The following HIBCH variants were observed in gnomAD, a reference collection of about 807,000 sequenced individuals.
HIBCH encodes 3-hydroxyisobutyryl-CoA hydrolase, also known as 3-hydroxyisobutyryl-CoA hydrolase, mitochondrial.
A neutral mutation model predicts 58.2 loss-of-function variants in HIBCH; 50 were observed. That is an observed-to-expected ratio of 0.86 (90% CI 0.68 to 1.09). HIBCH has a LOEUF of 1.09. HIBCH is among the 50% of genes least tolerant of loss of function. The pLI is 0.00. For synonymous variants in HIBCH, 151 were observed against 146.9 expected (o/e 1.03, Z -0.20); for missense variants, 450 against 449.7 (o/e 1.00, Z -0.01).
At chr2:190,238,794 A>G in intron 11 of HIBCH, among the ~76,000 whole-genome samples, 1 of 152,168 alleles carries the variant, frequency 6.6e-6, no homozygotes, top group Non-Finnish European at 1.5e-5. Flanking sequence ...GTGTCTGTTC[A>G]CATCCTTCAC....
At chr2:190,226,687 T>C (rs1325308445) in intron 11 of HIBCH, among the ~76,000 whole-genome samples, 3 of 148,898 alleles carry the variant, frequency 2.0e-5, no homozygotes, top group Non-Finnish European at 4.5e-5. Flanking sequence ...CCCCATCATC[T>C]CAGCCCCAAA....
At position 190,206,977 on chromosome 2, in the gene HIBCH, T is replaced by C. The variant is rs1690405750; in HGVS notation, c.1046-1745A>G. ...CGTCTCTACTAAAAATACAAAAAAA[T>C]TAGGCGTGGTGGCAGGCGCTTTTAG... On this transcript the variant is annotated intron_variant, in intron 13 of 13. Coordinates refer to ENST00000359678, the MANE Select transcript of HIBCH (RefSeq NM_014362.4). The surrounding 1 kb of genome is among the most constrained non-coding windows in gnomAD (Gnocchi z 5.1). Among the ~76,000 whole-genome samples the C allele has an allele frequency of 6.6e-6, 1 of 151,798 alleles. No individual in the cohort carries two copies. Among genetic ancestry groups the C allele is most frequent in the African/African-American group, 2.4e-5 (1 of 41,260 alleles).
At position 190,209,315 on chromosome 2, in the gene HIBCH, C is replaced by G. The variant is rs747945674; in HGVS notation, c.1012-402G>C. ...TCCTGGCACCAACTAAACCCTATCA[C>G]GTACCCCTGCCTGCACTTCAGCAGC... On this transcript the variant is annotated intron_variant, in intron 12 of 13. Coordinates refer to ENST00000359678, the MANE Select transcript of HIBCH (RefSeq NM_014362.4). This position sits in a 1 kb window ranked among gnomAD's most constrained non-coding sequence, Gnocchi z 5.6. Among the ~76,000 whole-genome samples the G allele has an allele frequency of 1.3e-5, 2 of 152,130 alleles. No homozygotes were observed. Among genetic ancestry groups the G allele is most frequent in the East Asian group, 1.9e-4 (1 of 5,200 alleles).
chr2:190,276,569 A>G (rs1687559131), intron 6 of HIBCH, among the ~76,000 whole-genome samples: 1 of 152,144 alleles, frequency 6.6e-6, no homozygotes, highest in African/African-American at 2.4e-5. Context: ...GTTCATACAA[A>G]AGCTGGCTGT....
chr2:190,193,893 A>T (rs950615869), intron 1 of HIBCH, among the ~76,000 whole-genome samples: 4 of 151,896 alleles, frequency 2.6e-5, no homozygotes, highest in Non-Finnish European at 5.9e-5. Flanking sequence ...ACTGATTTAA[A>T]CTTTTCTTCT....
At chr2:190,265,967 T>C (rs1308681015) in intron 6 of HIBCH, among the ~76,000 whole-genome samples, 1 of 152,186 alleles carries the variant, frequency 6.6e-6, no homozygotes, top group East Asian at 1.9e-4. Context: ...AGCTTTGATA[T>C]TTACTGTTTA....
chr2:190,299,600 C>CT (rs555011380), intron 2 of HIBCH, among the ~76,000 whole-genome samples: 1 of 151,998 alleles, frequency 6.6e-6, no homozygotes, highest in Non-Finnish European at 1.5e-5. Flanking sequence ...CAGTCTGACA[C>CT]TTTTTTTTCA....
Position 190,261,201 on chromosome 2 carries a change from C to T in HIBCH, c.472G>A (p.Val158Met), listed in dbSNP as rs770655344. 6.8e-6 allele frequency: 11 copies of T among 1,613,482 alleles called. No homozygotes were observed. The highest frequency in any genetic ancestry group is 1.7e-4 in the Middle Eastern group (1 of 6,054). The change falls in exon 7 of 14, where the codon GTG (valine) becomes ATG (methionine). Residue 158 changes from valine to methionine, a missense_variant. Physicochemically the swap from Val to Met is conservative, Grantham distance 21. Coordinates refer to ENST00000359678, the MANE Select transcript of HIBCH (RefSeq NM_014362.4). Reference protein sequence around the residue: ...VGLSVHGQFRVATEKCLFAMP... With the variant: ...VGLSVHGQFRMATEKCLFAMP... ...GCAAAAAGACACTTTTCTGTAGCCA[C>T]TCGAAATTGCCCATGGACTGAGAGA...
chr2:190,283,753 A>G (rs1002638008), intron 6 of HIBCH, among the ~76,000 whole-genome samples: 84 of 152,318 alleles, frequency 5.5e-4, no homozygotes, highest in Admixed American at 2.3e-3. Context: ...AATATTTTTA[A>G]GGGAGCTGAT....
At chr2:190,273,120 C>G (rs997389631) in intron 6 of HIBCH, among the ~76,000 whole-genome samples, 1 of 152,202 alleles carries the variant, frequency 6.6e-6, no homozygotes, top group Non-Finnish European at 1.5e-5. Context: ...CGGCCAGGCG[C>G]AGTGGCTCAT....
At chr2:190,203,913 A>C (rs758107078), downstream of HIBCH, 10 of 152,130 alleles carry the variant, frequency 6.6e-5, no homozygotes, top group Non-Finnish European at 1.5e-4. Context: ...ATGAAGGAGA[A>C]ACTATAACAA....
chr2:190,313,020 A>C (rs763630509), intron 1 of HIBCH, among the ~76,000 whole-genome samples: 10 of 152,230 alleles, frequency 6.6e-5, no homozygotes, highest in Non-Finnish European at 1.3e-4. Flanking sequence ...AATAGCTTAA[A>C]CCTGGGAGGC....
chr2:190,302,574 T>C (rs1350408728), intron 2 of HIBCH, among the ~76,000 whole-genome samples: 3 of 152,220 alleles, frequency 2.0e-5, no homozygotes, highest in South Asian at 2.1e-4. Context: ...AGTCAGGTAG[T>C]TGCTTGAAAT....
intron 7 of HIBCH, among the ~76,000 whole-genome samples, chr2:190,256,473 C>CAATAATAATAAA (rs1559037325): frequency 1.1e-4 from 17 of 149,846 alleles, no homozygotes; most frequent in African/African-American, 4.0e-4. Flanking sequence ...AATAATAAAT[C>CAATAATAATAAA]TTACAACACT....
chr2:190,268,078 A>G (rs1183714059), intron 6 of HIBCH, among the ~76,000 whole-genome samples: 1 of 152,240 alleles, frequency 6.6e-6, no homozygotes, highest in East Asian at 1.9e-4. Flanking sequence ...GACATATGAG[A>G]AAAGACCACA....
chr2:190,271,205 T>C (rs1017347484), intron 6 of HIBCH, among the ~76,000 whole-genome samples: 1 of 150,302 alleles, frequency 6.7e-6, no homozygotes, highest in Admixed American at 6.6e-5. Flanking sequence ...ATACAATCCA[T>C]CATCAAAACC....
intron 12 of HIBCH, 121 bp downstream of exon 12, chr2:190,212,835 T>C: frequency 8.3e-6 from 7 of 839,304 alleles, no homozygotes; most frequent in South Asian, 3.1e-5. Flanking sequence ...TGTGTTTTTG[T>C]AGAGTAAATT....
chr2:190,208,015 T>C (rs1690432567), intron 13 of HIBCH, among the ~76,000 whole-genome samples: 1 of 152,202 alleles, frequency 6.6e-6, no homozygotes, highest in Non-Finnish European at 1.5e-5. Flanking sequence ...ACAACATAAA[T>C]AACAGCTTTT....
chr2:190,222,397 A>C (rs1289200424), intron 11 of HIBCH, among the ~76,000 whole-genome samples: 3 of 152,160 alleles, frequency 2.0e-5, no homozygotes, highest in African/African-American at 7.2e-5. Context: ...AAGAATGTCA[A>C]AGGCTGAAGA....
Sources: allele counts gnomAD v4.1 joint callset (sites outside exome capture counted in the v4.1 genomes callset), GRCh38; gene constraint gnomAD v4.1.1; non-coding constraint Gnocchi (gnomAD v3.1); transcripts MANE v1.5; gene names NCBI Gene and HGNC (gene_info 2026-07-23, HGNC 2026-07-21).